Variants in SHANK2 observed in about 807,000 individuals in gnomAD.
The protein encoded by SHANK2 is SH3 and multiple ankyrin repeat domains 2, also known as SH3 and multiple ankyrin repeat domains protein 2.
SHANK2 carries 43 observed loss-of-function variants against 133.7 expected under a neutral mutation model. The ratio of observed to expected loss-of-function variants is 0.32; its 90% CI spans 0.25 to 0.41. The LOEUF (loss-of-function observed/expected upper bound fraction) is 0.41. Among genes scored for constraint, SHANK2 ranks in the 10% least tolerant of loss-of-function variants. SHANK2 has a pLI of 1.00. For missense variants in SHANK2, 1,994 were observed against 2,235.8 expected, an observed-to-expected ratio of 0.89 and a Z score of 2.18; for synonymous variants, 1,017 against 952.8, an observed-to-expected ratio of 1.07 and a Z score of -1.24.
intron 11 of SHANK2, among the ~76,000 whole-genome samples, chr11:70,867,133 A>G (rs78171614): frequency 0.036 from 5,428 of 150,348 alleles, 229 homozygotes; most frequent in African/African-American, 0.11. Context: ...AAAAAAAAAA[A>G]AGAGAGAGAG....
intron 17 of SHANK2, among the ~76,000 whole-genome samples, chr11:70,505,584 G>A (rs541180546): frequency 7.9e-4 from 121 of 152,248 alleles, no homozygotes; most frequent in Non-Finnish European, 4.6e-4. Context: ...TGCTCTGGGC[G>A]GGCCCCCAGT....
chr11:71,070,128 C>A (rs1951124328), intron 9 of SHANK2, among the ~76,000 whole-genome samples: 1 of 152,168 alleles, frequency 6.6e-6, no homozygotes, highest in Admixed American at 6.5e-5. Flanking sequence ...TTACTGGCAC[C>A]TGGAAGATGC....
At chr11:71,230,459 C>G (rs551337058) in intron 1 of SHANK2, among the ~76,000 whole-genome samples, 1 of 151,984 alleles carries the variant, frequency 6.6e-6, no homozygotes, top group East Asian at 1.9e-4. Flanking sequence ...GTACTAGCTA[C>G]TCGGGAGGCT....
At chr11:70,526,791 CCCCT>C (rs1385955766) in intron 17 of SHANK2, among the ~76,000 whole-genome samples, 1 of 151,732 alleles carries the variant, frequency 6.6e-6, no homozygotes, top group African/African-American at 2.4e-5. Context: ...AGGCAAGGAC[CCCCT>C]CCCTCCCTCC....
At chr11:70,935,913 G>A (rs1045100227) in intron 10 of SHANK2, among the ~76,000 whole-genome samples, 2 of 152,120 alleles carry the variant, frequency 1.3e-5, no homozygotes, top group Non-Finnish European at 2.9e-5. Context: ...GGATTTGGAC[G>A]TGCCCATCAT....
chr11:70,680,404 G>A (rs1332011866), intron 15 of SHANK2, among the ~76,000 whole-genome samples: 1 of 152,018 alleles, frequency 6.6e-6, no homozygotes, highest in Non-Finnish European at 1.5e-5. Flanking sequence ...CAGAGGAGGG[G>A]CTGCTTGTGT....
chr11:70,883,567 G>T (rs1285105909), intron 11 of SHANK2, among the ~76,000 whole-genome samples: 2 of 152,168 alleles, frequency 1.3e-5, no homozygotes, highest in Admixed American at 6.5e-5. Flanking sequence ...GAGAACAAAG[G>T]GGGCTGGGAA....
chr11:70,638,352 G>A (rs912917070), intron 17 of SHANK2, among the ~76,000 whole-genome samples: 6 of 152,256 alleles, frequency 3.9e-5, no homozygotes, highest in Non-Finnish European at 5.9e-5. Flanking sequence ...TGGGCACAAT[G>A]CTTCTATTGT....
rs138642927 is a variant in SHANK2, at chr11:71,181,775, A to G, written c.-12-34437T>C. On this transcript the variant is annotated intron_variant, in intron 2 of 25. Coordinates refer to ENST00000601538, the MANE Select transcript of SHANK2 (RefSeq NM_012309.5). ...CGTGCCCAGGAATCCTCAATCCTGG[A>G]CGCCGTCAGAGCCACCTGTGGAGCA... is the stretch of plus-strand genomic sequence containing the variant. Among the ~76,000 whole-genome samples the G allele has an allele frequency of 3.8e-3, 572 of 152,286 alleles. 9 individuals carry two copies. Among genetic ancestry groups the G allele is most frequent in the African/African-American group, 0.012 (511 of 41,554 alleles).
chr11:70,925,097 G>C (rs1230051851), intron 10 of SHANK2, among the ~76,000 whole-genome samples: 5 of 152,194 alleles, frequency 3.3e-5, no homozygotes, highest in African/African-American at 1.2e-4. Flanking sequence ...CGACACTGCA[G>C]AGGGGAGTAT....
intron 14 of SHANK2, among the ~76,000 whole-genome samples, chr11:70,727,709 C>A (rs1442283676): frequency 6.6e-6 from 1 of 152,162 alleles, no homozygotes; most frequent in Admixed American, 6.5e-5. Context: ...ATTGGTACCA[C>A]CCTGGGTTAA....
intron 15 of SHANK2, among the ~76,000 whole-genome samples, chr11:70,683,043 G>C (rs532005969): frequency 1.3e-5 from 2 of 152,162 alleles, no homozygotes; most frequent in Non-Finnish European, 2.9e-5. Flanking sequence ...CCTGTAAGAC[G>C]CTGTCTCCCT....
At chr11:71,223,422 T>G (rs1954590148) in intron 2 of SHANK2, among the ~76,000 whole-genome samples, 1 of 152,254 alleles carries the variant, frequency 6.6e-6, no homozygotes, top group South Asian at 2.1e-4. Flanking sequence ...TAGTTGCATC[T>G]GTACCGAACA....
At chr11:71,117,365 A>G (rs1951997569) in intron 4 of SHANK2, among the ~76,000 whole-genome samples, 1 of 152,210 alleles carries the variant, frequency 6.6e-6, no homozygotes, top group Non-Finnish European at 1.5e-5. Context: ...CGCGAGGAAT[A>G]TGATGTAATT....
chr11:71,144,738 A>T (rs1267340807), intron 3 of SHANK2, among the ~76,000 whole-genome samples: 2 of 152,212 alleles, frequency 1.3e-5, no homozygotes, highest in Non-Finnish European at 2.9e-5. Flanking sequence ...ACCTTCACAG[A>T]TTTAGCTGGA....
At chr11:70,769,361 A>C (rs782419478) in intron 14 of SHANK2, among the ~76,000 whole-genome samples, 1 of 152,192 alleles carries the variant, frequency 6.6e-6, no homozygotes, top group Non-Finnish European at 1.5e-5. Context: ...TCACCCTGGC[A>C]CATAGACTCC....
intron 14 of SHANK2, among the ~76,000 whole-genome samples, chr11:70,758,154 T>G (rs2134957053): frequency 6.6e-6 from 1 of 152,362 alleles, no homozygotes; most frequent in African/African-American, 2.4e-5. Flanking sequence ...GCCAATCATC[T>G]ATTGCCTGAA....
chr11:71,244,250 A>G (rs563925457), intron 1 of SHANK2, among the ~76,000 whole-genome samples: 1 of 152,096 alleles, frequency 6.6e-6, no homozygotes, highest in Non-Finnish European at 1.5e-5. Context: ...ACCATCCTAG[A>G]CCCCACAATC....
chr11:70,730,563 T>C (rs535287593), intron 14 of SHANK2, among the ~76,000 whole-genome samples: 4 of 152,278 alleles, frequency 2.6e-5, no homozygotes, highest in Non-Finnish European at 4.4e-5. Flanking sequence ...TCCAGCACTG[T>C]CCTCAGAGCT....
Sources: allele counts gnomAD v4.1 joint callset (sites outside exome capture counted in the v4.1 genomes callset), GRCh38; gene constraint gnomAD v4.1.1; transcripts MANE v1.5; gene names NCBI Gene and HGNC (gene_info 2026-07-23, HGNC 2026-07-21).